The following SSH2 variants were observed in gnomAD, a reference collection of about 807,000 sequenced individuals.
SSH2 encodes the protein protein phosphatase Slingshot homolog 2.
In SSH2, 37 loss-of-function variants were observed where a neutral mutation model predicts 135.2. The ratio of observed to expected loss-of-function variants is 0.27; its 90% CI spans 0.21 to 0.36. The LOEUF (loss-of-function observed/expected upper bound fraction) is 0.36. Ranked by LOEUF, SSH2 falls within the 10% of genes least tolerant of loss-of-function variation. The probability of loss-of-function intolerance (pLI) is 1.00; values close to 1 mark genes in which losing one functional copy is unlikely to be tolerated. For missense variants in SSH2, 1,408 were observed against 1,765.3 expected (o/e 0.80, Z 3.63); for synonymous variants, 628 against 646.2 (o/e 0.97, Z 0.43).
At chr17:29,919,689 CTT>C (rs770940170) in intron 1 of SSH2, among the ~76,000 whole-genome samples, 2 of 143,098 alleles carry the variant, frequency 1.4e-5, no homozygotes, top group Non-Finnish European at 1.5e-5. Flanking sequence ...AAGAATTACA[CTT>C]TTTTTTTTTT....
intron 1 of SSH2, among the ~76,000 whole-genome samples, chr17:29,913,363 TATATATA>T (rs2066819852): frequency 1.3e-5 from 1 of 74,206 alleles, no homozygotes; most frequent in Non-Finnish European, 2.6e-5. Context: ...TATATATATA[TATATATA>T]TATATATATA....
intron 12 of SSH2, among the ~76,000 whole-genome samples, chr17:29,652,031 A>C (rs576857359): frequency 5.3e-5 from 8 of 152,296 alleles, no homozygotes; most frequent in African/African-American, 1.7e-4. Flanking sequence ...AATTCCAGCT[A>C]CTTGGGAGGC....
At chr17:29,671,608 T>C (rs2151044362) in intron 9 of SSH2, among the ~76,000 whole-genome samples, 1 of 152,342 alleles carries the variant, frequency 6.6e-6, no homozygotes, top group South Asian at 2.1e-4. Context: ...CTAAAATGAT[T>C]CTTTCAGATA....
At chr17:29,686,367 T>G (rs891154577) in intron 5 of SSH2, among the ~76,000 whole-genome samples, 5 of 151,668 alleles carry the variant, frequency 3.3e-5, no homozygotes, top group African/African-American at 1.2e-4. Flanking sequence ...AATGACAGTT[T>G]TTTTTTTTTT....
rs60595591 is a variant in SSH2, at chr17:29,778,835, C to CAA, written c.188+15057_188+15058dup. Among the ~76,000 whole-genome samples, 46 of 37,860 alleles carry CAA rather than the reference C, an allele frequency of 1.2e-3. 1 individual carries two copies. Among genetic ancestry groups the CAA allele is most frequent in the Admixed American group, 1.9e-3 (4 of 2,098 alleles). The allele number at this position is 37,860 out of a possible 152,430, so 24.8% of individuals were successfully genotyped here. A position where few individuals can be genotyped will look rare whatever the true frequency, so the allele number is the denominator to read the frequency against. ...GGTGACAGAGTGAGCCTCCGTCTCC[C>CAA]AAAAAAAAAAAAAAAAAAAAAAAAA... On this transcript the variant is annotated intron_variant, in intron 3 of 15. Coordinates refer to ENST00000540801, the MANE Select transcript of SSH2 (RefSeq NM_001282129.2).
At chr17:29,778,835 CAAAAAAAAAAAAAAAAAAAA>C (rs60595591) in intron 3 of SSH2, among the ~76,000 whole-genome samples, 1 of 37,846 alleles carries the variant, frequency 2.6e-5, no homozygotes, top group Non-Finnish European at 4.4e-5. Flanking sequence ...CTCCGTCTCC[CAAAAAAAAAAAAAAAAAAAA>C]AAAAAAAAAA....
At chr17:29,811,905 A>G (rs887029055) in intron 2 of SSH2, among the ~76,000 whole-genome samples, 2 of 152,138 alleles carry the variant, frequency 1.3e-5, no homozygotes, top group Non-Finnish European at 2.9e-5. Context: ...GTATAATCTC[A>G]AGTATAAAAA....
chr17:29,677,492 AC>A (rs1477911578), intron 7 of SSH2, among the ~76,000 whole-genome samples, 180 bp downstream of exon 7: 1 of 152,084 alleles, frequency 6.6e-6, no homozygotes, highest in African/African-American at 2.4e-5. Flanking sequence ...GAAGTGAGAG[AC>A]CCTGGCAAGT....
At chr17:29,653,774 G>A (rs1038289322) in intron 12 of SSH2, among the ~76,000 whole-genome samples, 1 of 152,070 alleles carries the variant, frequency 6.6e-6, no homozygotes. Context: ...TTTTAGTAGA[G>A]ACAGGGTTTC....
intron 3 of SSH2, among the ~76,000 whole-genome samples, chr17:29,780,148 C>T (rs1005541907): frequency 6.6e-6 from 1 of 151,858 alleles, no homozygotes; most frequent in Admixed American, 6.6e-5. Flanking sequence ...ACCTGGGAGG[C>T]GGAGGTTGCA....
intron 8 of SSH2, among the ~76,000 whole-genome samples, chr17:29,672,895 C>T (rs573711507): frequency 2.2e-3 from 341 of 152,096 alleles, no homozygotes; most frequent in Non-Finnish European, 3.8e-3. Flanking sequence ...TTAGTCGAGA[C>T]GGGTTTTTGC....
intron 1 of SSH2, among the ~76,000 whole-genome samples, chr17:29,866,454 C>T (rs1413643681): frequency 6.6e-6 from 1 of 152,182 alleles, no homozygotes; most frequent in Non-Finnish European, 1.5e-5. Context: ...AAGTTAGGTA[C>T]TATGACAGAT....
At chr17:29,882,831 T>C (rs1042264316) in intron 1 of SSH2, among the ~76,000 whole-genome samples, 2 of 152,192 alleles carry the variant, frequency 1.3e-5, no homozygotes, top group Admixed American at 6.5e-5. Context: ...TTTTTTCTTT[T>C]TAAAAATTTT....
intron 2 of SSH2, among the ~76,000 whole-genome samples, chr17:29,816,296 A>T (rs928597491): frequency 3.9e-5 from 6 of 152,210 alleles, no homozygotes; most frequent in African/African-American, 1.4e-4. Context: ...ATAGTAACAG[A>T]TATAGAGGTA....
intron 8 of SSH2, 156 bp downstream of exon 8, chr17:29,676,664 G>C: frequency 1.7e-6 from 1 of 595,102 alleles, no homozygotes; most frequent in African/African-American, 1.9e-5. Context: ...GCAACAATTT[G>C]AATATTGCAT....
In SSH2 at chr17:29,709,015, TAGAGAGAGAGAGAGAGAGAG is replaced by T. The variant is rs58190730; in HGVS notation, c.189-5973_189-5954del. On this transcript the variant is annotated intron_variant, in intron 3 of 15. Coordinates refer to ENST00000540801, the MANE Select transcript of SSH2 (RefSeq NM_001282129.2). ...AGAAATATATATATATATATATATA[TAGAGAGAGAGAGAGAGAGAG>T]AGAGAGAGAGAGAGAGAGCTAATAA... 4.9e-5 allele frequency among the ~76,000 whole-genome samples: 4 copies of T among 81,594 alleles called. 1 individual carries two copies. The South Asian group carries it at 2.2e-3, about 45-fold the overall frequency. The allele number at this position is 81,594 out of a possible 152,430, so 53.5% of individuals were successfully genotyped here.
chr17:29,776,179 G>T (rs2041696005), intron 3 of SSH2: 1 of 152,200 alleles, frequency 6.6e-6, no homozygotes, highest in Non-Finnish European at 1.5e-5. Context: ...CCTCAAGCAT[G>T]CCGTGATTTA....
chr17:29,817,885 G>A (rs1009166350), intron 2 of SSH2, among the ~76,000 whole-genome samples: 5 of 151,976 alleles, frequency 3.3e-5, no homozygotes, highest in Non-Finnish European at 5.9e-5. Context: ...AGCCTCCAGA[G>A]TAACTGGGAC....
At chr17:29,775,459 A>T (rs2041679116) in intron 3 of SSH2, among the ~76,000 whole-genome samples, 1 of 152,168 alleles carries the variant, frequency 6.6e-6, no homozygotes, top group South Asian at 2.1e-4. Context: ...AAATTAATAT[A>T]CAACAGAACT....
Sources: allele counts gnomAD v4.1 joint callset (sites outside exome capture counted in the v4.1 genomes callset), GRCh38; gene constraint gnomAD v4.1.1; transcripts MANE v1.5; gene names NCBI Gene and HGNC (gene_info 2026-07-23, HGNC 2026-07-21).